Variants in CAPN13 observed in about 807,000 individuals in gnomAD.
The protein encoded by CAPN13 is calpain 13.
A neutral mutation model predicts 98.4 loss-of-function variants in CAPN13; 90 were observed. The observed-to-expected ratio is 0.92, with a 90% CI of 0.77 to 1.09. The LOEUF is 1.09. Among genes scored for constraint, CAPN13 ranks in the 50% least tolerant of loss-of-function variants. The probability of loss-of-function intolerance (pLI) is 0.00; values close to 1 mark genes in which losing one functional copy is unlikely to be tolerated. For synonymous variants in CAPN13, 330 were observed against 305.5 expected, an observed-to-expected ratio of 1.08 and a Z score of -0.84; for missense variants, 887 against 841.3, an observed-to-expected ratio of 1.05 and a Z score of -0.67.
At chr2:30,727,097 G>C (rs1670883502) in intron 22 of CAPN13, among the ~76,000 whole-genome samples, 2 of 152,112 alleles carry the variant, frequency 1.3e-5, no homozygotes, top group Non-Finnish European at 2.9e-5. Flanking sequence ...AGAATGAATA[G>C]TTTTTTCAGC....
At chr2:30,763,359 C>A (rs993785424) in intron 6 of CAPN13, among the ~76,000 whole-genome samples, 1 of 152,228 alleles carries the variant, frequency 6.6e-6, no homozygotes, top group Non-Finnish European at 1.5e-5. Context: ...TGCCTCAGGG[C>A]ACCACCCCCA....
At chr2:30,769,996 T>G (rs1211958433) in intron 5 of CAPN13, among the ~76,000 whole-genome samples, 6 of 152,182 alleles carry the variant, frequency 3.9e-5, no homozygotes, top group Admixed American at 3.9e-4. Context: ...GAGTCAGAAT[T>G]GTTCACTCCT....
chr2:30,725,947 G>T (rs1327570002), intron 22 of CAPN13, among the ~76,000 whole-genome samples: 1 of 152,120 alleles, frequency 6.6e-6, no homozygotes, highest in Non-Finnish European at 1.5e-5. Context: ...CACCAAAGGG[G>T]AAGAAAATAG....
At chr2:30,727,594 C>A (rs1670901894) in intron 22 of CAPN13, among the ~76,000 whole-genome samples, 1 of 152,124 alleles carries the variant, frequency 6.6e-6, no homozygotes, top group Admixed American at 6.5e-5. Context: ...AAATGCAAAT[C>A]AAAACCACAG....
chr2:30,768,821 C>T (rs1380052555), intron 5 of CAPN13, among the ~76,000 whole-genome samples: 1 of 152,106 alleles, frequency 6.6e-6, no homozygotes, highest in East Asian at 1.9e-4. Flanking sequence ...CACAGAGTTT[C>T]CATTTCCATA....
intron 18 of CAPN13, among the ~76,000 whole-genome samples, chr2:30,735,772 C>G (rs770832103): frequency 9.2e-5 from 14 of 152,144 alleles, no homozygotes; most frequent in Admixed American, 9.2e-4. Flanking sequence ...CATGGCTAGA[C>G]ATTTGATGTA....
chr2:30,760,479 A>G (rs1672789525), intron 7 of CAPN13, among the ~76,000 whole-genome samples: 1 of 152,182 alleles, frequency 6.6e-6, no homozygotes, highest in Admixed American at 6.5e-5. Context: ...AAGGGGCTGA[A>G]AGCAGGGCTA....
intron 8 of CAPN13, among the ~76,000 whole-genome samples, chr2:30,756,785 C>A (rs1463234747): frequency 2.0e-5 from 3 of 152,140 alleles, no homozygotes; most frequent in African/African-American, 7.2e-5. Flanking sequence ...GAAACGGGGG[C>A]AGGGAGGGGG....
Position 30,742,313 on chromosome 2 carries a change from G to T in CAPN13, c.1479+13C>A. ...CAATGAGGCTCGCCAGCCAAACCTTGCTGCATACCTACCTTCATTCTGAGG... is the reference window on the plus strand; with the variant it reads ...CAATGAGGCTCGCCAGCCAAACCTTTCTGCATACCTACCTTCATTCTGAGG... On this transcript the variant is annotated intron_variant, in intron 14 of 22. Transcript: ENST00000295055. The T allele has an allele frequency of 6.2e-7, 1 of 1,600,768 alleles. No individual in the cohort carries two copies. The highest frequency in any genetic ancestry group is 8.5e-7 in the Non-Finnish European group (1 of 1,173,662).
rs937572594 is a variant in CAPN13 at position 30,799,520 on chromosome 2, G to A, written c.-33+7782C>T. Among the ~76,000 whole-genome samples the A allele has an allele frequency of 2.6e-5, 4 of 152,182 alleles. No individual in the cohort carries two copies. The South Asian group carries it at 8.3e-4, about 32-fold the overall frequency. Reference sequence around the variant, plus strand: ...GCAGAAGGGGAAAGTGGGGCTCAAGGTGAAACAGAAGAAGTTTAGGCAGCG... The same window carrying A: ...GCAGAAGGGGAAAGTGGGGCTCAAGATGAAACAGAAGAAGTTTAGGCAGCG... On this transcript the variant is annotated intron_variant, in intron 1 of 22. Transcript: ENST00000295055.
intron 7 of CAPN13, among the ~76,000 whole-genome samples, chr2:30,762,613 C>T (rs188104008): frequency 5.3e-4 from 81 of 152,320 alleles, no homozygotes; most frequent in African/African-American, 1.9e-3. Flanking sequence ...TCGAGGATGG[C>T]AGAGCCACCT....
chr2:30,750,879 G>A (rs944024758), intron 11 of CAPN13, among the ~76,000 whole-genome samples: 2 of 152,196 alleles, frequency 1.3e-5, no homozygotes, highest in African/African-American at 4.8e-5. Flanking sequence ...CAGGCGACAC[G>A]GGCAGGAGGT....
At chr2:30,751,853 C>T (rs919305103) in intron 10 of CAPN13, among the ~76,000 whole-genome samples, 5 of 152,204 alleles carry the variant, frequency 3.3e-5, no homozygotes, top group African/African-American at 2.4e-5. Flanking sequence ...ATAGCATGGA[C>T]GTGCTGCGAG....
intron 10 of CAPN13, among the ~76,000 whole-genome samples, chr2:30,752,250 G>A (rs1043627453): frequency 6.6e-6 from 1 of 152,172 alleles, no homozygotes; most frequent in African/African-American, 2.4e-5. Flanking sequence ...CAGAGGAAGG[G>A]ATGCATATGC....
chr2:30,791,259 G>A (rs567677651), intron 1 of CAPN13, among the ~76,000 whole-genome samples: 49 of 152,288 alleles, frequency 3.2e-4, no homozygotes, highest in African/African-American at 1.0e-3. Flanking sequence ...TTGAATTAAC[G>A]GAAAAATGAT....
At chr2:30,738,906 C>T (rs1471890327) in intron 15 of CAPN13, among the ~76,000 whole-genome samples, 7 of 151,758 alleles carry the variant, frequency 4.6e-5, no homozygotes, top group South Asian at 2.1e-4. Context: ...TGTGCGTGCA[C>T]GTGTGTGATA....
intron 18 of CAPN13, 101 bp from the exon 19 acceptor site, chr2:30,734,625 G>A (rs1671267204): frequency 1.1e-6 from 1 of 888,280 alleles, no homozygotes; most frequent in South Asian, 1.4e-5. Context: ...TCAGAGGAAG[G>A]CACGGTCACA....
chr2:30,734,393 G>T, intron 19 of CAPN13, 56 bp downstream of exon 19: 2 of 1,348,726 alleles, frequency 1.5e-6, no homozygotes, highest in Non-Finnish European at 2.1e-6. Flanking sequence ...TAGGGGTGTG[G>T]GCATCACCCC....
chr2:30,739,985 G>A (rs996557821), intron 15 of CAPN13, among the ~76,000 whole-genome samples: 55 of 152,140 alleles, frequency 3.6e-4, no homozygotes, highest in African/African-American at 1.2e-3. Context: ...AGTCTAAGTG[G>A]ATCCTTCCTT....
Sources: gnomAD v4.1 joint callset for allele counts (sites outside exome capture counted in the v4.1 genomes callset) on GRCh38, gnomAD v4.1.1 for gene constraint, MANE v1.5 for transcripts, NCBI Gene and HGNC (gene_info 2026-07-23, HGNC 2026-07-21) for gene names.